RAB20: variants seen among roughly 807,000 people sequenced by gnomAD.
RAB20 encodes ras-related protein Rab-20.
A neutral mutation model predicts 3.7 loss-of-function variants in RAB20; 2 were observed. The ratio of observed to expected loss-of-function variants is 0.54; its 90% CI spans 0.22 to 1.69. The LOEUF (loss-of-function observed/expected upper bound fraction) is 1.69, where lower values mean the gene tolerates loss of function less well. Among genes scored for constraint, RAB20 ranks in the 40% most tolerant of loss-of-function variants. The pLI, the probability that RAB20 is intolerant of heterozygous loss-of-function variation, is 0.19. For synonymous variants in RAB20, 126 were observed against 130.8 expected, an observed-to-expected ratio of 0.96 and a Z score of 0.25; for missense variants, 276 against 311.9, an observed-to-expected ratio of 0.88 and a Z score of 0.87.
intron 1 of RAB20, among the ~76,000 whole-genome samples, chr13:110,535,785 C>T (rs934515563): frequency 1.5e-4 from 23 of 152,356 alleles, no homozygotes; most frequent in African/African-American, 5.5e-4. Flanking sequence ...AGCAGCAGTA[C>T]CCAAAGCTCC....
chr13:110,541,642 G>C (rs1443508451), intron 1 of RAB20, among the ~76,000 whole-genome samples: 1 of 152,182 alleles, frequency 6.6e-6, no homozygotes, highest in African/African-American at 2.4e-5. Context: ...CCCTAATCTT[G>C]GTATTAGTGG....
Position 110,555,691 on chromosome 13 carries a change from C to A in RAB20, c.172+5657G>T, listed in dbSNP as rs1885026930. Among the ~76,000 whole-genome samples, 1 of 152,222 alleles carries A rather than the reference C, an allele frequency of 6.6e-6. No homozygotes were observed. The highest frequency in any genetic ancestry group is 1.5e-5 in the Non-Finnish European group (1 of 68,044). On this transcript the variant is annotated intron_variant, in intron 1 of 1. Coordinates refer to ENST00000267328, the MANE Select transcript of RAB20 (RefSeq NM_017817.3). This position sits in a 1 kb window ranked among gnomAD's most constrained non-coding sequence, Gnocchi z 4.0. The stretch of plus-strand genomic sequence containing the variant: ...TGTGCCTTCTGCGGGTGAAACCAGT[C>A]ATCAGCCGGCCCCCTGCTCGACTCC...
Position 110,524,155 on chromosome 13 carries a change from C to T in RAB20, c.215G>A (p.Gly72Glu), listed in dbSNP as rs1222008329. Residue 72 changes from glycine (G) to glutamate (E), a missense_variant, in exon 2 of 2, where the codon GGG (glycine) becomes GAG (glutamate). Coordinates refer to ENST00000267328, the MANE Select transcript of RAB20 (RefSeq NM_017817.3). ...FHGLGSMYCR[G>E]AAAIILTYDV... The stretch of plus-strand genomic sequence containing the variant: ...ATAGGTGAGGATGATGGCGGCCGCC[C>T]CCCGGCAGTACATGGAGCCCAGGCC... The T allele has an allele frequency of 4.4e-6, 7 of 1,605,554 alleles. No individual in the cohort carries two copies. Among genetic ancestry groups the T allele is most frequent in the Non-Finnish European group, 5.9e-6 (7 of 1,179,488 alleles).
chr13:110,550,833 T>C (rs1247083941), intron 1 of RAB20, among the ~76,000 whole-genome samples: 1 of 152,176 alleles, frequency 6.6e-6, no homozygotes, highest in Admixed American at 6.5e-5. Flanking sequence ...AGTCCTGGTA[T>C]GTTAGTCTTT....
intron 1 of RAB20, among the ~76,000 whole-genome samples, chr13:110,548,431 C>A (rs1884891590): frequency 6.6e-6 from 1 of 151,824 alleles, no homozygotes; most frequent in Non-Finnish European, 1.5e-5. Flanking sequence ...TTGCAGTGAG[C>A]CGAGATCACA....
intron 1 of RAB20, among the ~76,000 whole-genome samples, chr13:110,561,084 C>A (rs1049154858): frequency 3.3e-5 from 5 of 152,178 alleles, no homozygotes; most frequent in African/African-American, 1.2e-4. Context: ...AGCAGGAACG[C>A]GGGGCTCGGG....
At chr13:110,556,044 G>A (rs1885033284) in intron 1 of RAB20, among the ~76,000 whole-genome samples, 1 of 152,234 alleles carries the variant, frequency 6.6e-6, no homozygotes, top group Admixed American at 6.5e-5. Flanking sequence ...TTAACTGGCT[G>A]ACTCCTAACA....
intron 1 of RAB20, among the ~76,000 whole-genome samples, chr13:110,539,704 C>A (rs11619682): frequency 0.3 from 45,732 of 151,690 alleles, 7,210 homozygotes; most frequent in East Asian, 0.41. Flanking sequence ...GGATTACAGG[C>A]ACCCGCCACC....
intron 1 of RAB20, among the ~76,000 whole-genome samples, chr13:110,527,898 A>AACAC (rs1884457338): frequency 3.1e-5 from 3 of 95,680 alleles, no homozygotes; most frequent in African/African-American, 8.5e-5. Context: ...TATCTCTACA[A>AACAC]ATACACACAC....
intron 1 of RAB20, among the ~76,000 whole-genome samples, chr13:110,552,932 CCGAGCCTCCCAGCGCACACTGCT>C (rs1884981122): frequency 6.6e-6 from 1 of 152,214 alleles, no homozygotes. Context: ...AGGCTGTGGG[CCGAGCCTCCCAGCGCACACTGCT>C]CGCAAGCGGC....
At chr13:110,552,348 C>T (rs967197997) in intron 1 of RAB20, among the ~76,000 whole-genome samples, 2 of 145,260 alleles carry the variant, frequency 1.4e-5, no homozygotes, top group Admixed American at 1.4e-4. Flanking sequence ...CAGTGCACTC[C>T]AGCCTGGGCA....
Position 110,536,721 on chromosome 13 carries a change from T to TTGGGCGGGG in RAB20, c.173-12525_173-12524insCCCCGCCCA, listed in dbSNP as rs1164445964. ...AGGAATATCTAAAATGGCTTTTTTT[T>TTGGGCGGGG]GGGGCGGTGGGGGGGGGTTGTTTTT... On this transcript the variant is annotated intron_variant, in intron 1 of 1. Coordinates refer to ENST00000267328, the MANE Select transcript of RAB20 (RefSeq NM_017817.3). Among the ~76,000 whole-genome samples the TTGGGCGGGG allele has an allele frequency of 1.9e-3, 14 of 7,454 alleles. 5 individuals carry two copies. The highest frequency in any genetic ancestry group is 2.9e-3 in the Non-Finnish European group (13 of 4,454). 4.9% of individuals were successfully genotyped at this position (7,454 alleles called of 152,430 possible).
At chr13:110,552,556 G>C (rs905084939) in intron 1 of RAB20, among the ~76,000 whole-genome samples, 2 of 151,146 alleles carry the variant, frequency 1.3e-5, no homozygotes, top group Non-Finnish European at 3.0e-5. Context: ...AGCTGGGCGC[G>C]GTGGCGGGCG....
chr13:110,534,187 G>A (rs908612616), intron 1 of RAB20, among the ~76,000 whole-genome samples: 1 of 152,226 alleles, frequency 6.6e-6, no homozygotes, highest in Non-Finnish European at 1.5e-5. Flanking sequence ...CTGATGGCCT[G>A]AGAAGTAAAG....
chr13:110,544,715 C>A (rs1194105805), intron 1 of RAB20, among the ~76,000 whole-genome samples: 1 of 152,188 alleles, frequency 6.6e-6, no homozygotes, highest in Non-Finnish European at 1.5e-5. Flanking sequence ...CATGGAGAAC[C>A]AGAGAGGAGT....
Position 110,561,440 on chromosome 13 carries a change from T to A in RAB20, c.80A>T (p.Glu27Val), listed in dbSNP as rs771263252. Residue 27 changes from glutamate (E) to valine (V), a missense_variant, in exon 1 of 2, where the codon GAG becomes GTG. Physicochemically the swap from Glu to Val is moderately radical, Grantham distance 121. Coordinates refer to ENST00000267328, the MANE Select transcript of RAB20 (RefSeq NM_017817.3). ...GCTGACCGTGTCCGGGAAGCGCCGC[T>A]CCATATACCGCTGCAGCAGCGACGT... ...GKTSLLQRYM[E>V]RRFPDTVSTV... 37 of 1,608,714 alleles carry A rather than the reference T, an allele frequency of 2.3e-5. No individual in the cohort carries two copies. Among genetic ancestry groups the A allele is most frequent in the South Asian group, 5.5e-5 (5 of 90,940 alleles).
At chr13:110,526,214 TC>T (rs1292594892) in intron 1 of RAB20, among the ~76,000 whole-genome samples, 3 of 152,114 alleles carry the variant, frequency 2.0e-5, no homozygotes, top group African/African-American at 7.2e-5. Flanking sequence ...GCCTCCACTC[TC>T]GAGCTCAGAA....
chr13:110,546,070 A>G (rs1884844549), intron 1 of RAB20, among the ~76,000 whole-genome samples: 1 of 150,644 alleles, frequency 6.6e-6, no homozygotes, highest in Non-Finnish European at 1.5e-5. Context: ...TTCACATAGC[A>G]GAGAAACCCC....
intron 1 of RAB20, among the ~76,000 whole-genome samples, chr13:110,533,841 C>G (rs898779245): frequency 2.0e-5 from 3 of 152,240 alleles, no homozygotes; most frequent in African/African-American, 7.2e-5. Flanking sequence ...ATGAATGGAG[C>G]TGGGCTGCCT....
Sources: gnomAD v4.1 joint callset for allele counts (sites outside exome capture counted in the v4.1 genomes callset) on GRCh38, gnomAD v4.1.1 for gene constraint, Gnocchi (gnomAD v3.1) non-coding constraint, MANE v1.5 for transcripts, NCBI Gene and HGNC (gene_info 2026-07-23, HGNC 2026-07-21) for gene names.